Variants in DNAH11 observed in about 807,000 individuals in gnomAD.
DNAH11 encodes dynein axonemal heavy chain 11.
In DNAH11, 442 loss-of-function variants were observed where a neutral mutation model predicts 526.0. The ratio of observed to expected loss-of-function variants is 0.84; its 90% CI spans 0.78 to 0.91. The LOEUF (loss-of-function observed/expected upper bound fraction) is 0.91. Ranked by LOEUF, DNAH11 falls within the 40% of genes least tolerant of loss-of-function variation. The pLI is 0.00. For missense variants in DNAH11, 6,989 were observed against 5,448.7 expected (o/e 1.28, Z -8.90); for synonymous variants, 2,461 against 1,935.9 (o/e 1.27, Z -7.12).
At chr7:21,850,608 CTTTTT>C (rs3062635) in intron 66 of DNAH11, among the ~76,000 whole-genome samples, 5 of 62,658 alleles carry the variant, frequency 8.0e-5, no homozygotes, top group East Asian at 5.2e-4. Context: ...CTGTCTTCTT[CTTTTT>C]TTTTTTTTTT....
chr7:21,663,791 T>C (rs1408737550), intron 30 of DNAH11, among the ~76,000 whole-genome samples: 1 of 151,410 alleles, frequency 6.6e-6, no homozygotes, highest in Non-Finnish European at 1.5e-5. Flanking sequence ...TAGTATTTCA[T>C]TGTGTATATT....
chr7:21,838,293 T>G (rs1176491773), intron 65 of DNAH11, among the ~76,000 whole-genome samples: 1 of 152,238 alleles, frequency 6.6e-6, no homozygotes, highest in Non-Finnish European at 1.5e-5. Flanking sequence ...GAAACTGTAT[T>G]AGCATGGTAA....
chr7:21,801,350 A>T, intron 62 of DNAH11, 75 bp downstream of exon 62: 1 of 1,562,312 alleles, frequency 6.4e-7, no homozygotes, highest in Non-Finnish European at 8.7e-7. Context: ...TTTGCCATCA[A>T]TAATAACTAA....
intron 31 of DNAH11, 174 bp downstream of exon 31, chr7:21,681,851 T>C (rs1783154084): frequency 1.2e-6 from 1 of 824,830 alleles, no homozygotes; most frequent in South Asian, 1.4e-5. Flanking sequence ...AATATATTAT[T>C]CTGATGAGAC....
At chr7:21,898,778 C>T (rs1784625902) in intron 79 of DNAH11, among the ~76,000 whole-genome samples, 1 of 152,200 alleles carries the variant, frequency 6.6e-6, no homozygotes, top group African/African-American at 2.4e-5. Context: ...ACCGGCGTGC[C>T]ATTCCTGGCT....
At chr7:21,731,566 TGG>T (rs1785386303) in intron 45 of DNAH11, among the ~76,000 whole-genome samples, 2 of 152,234 alleles carry the variant, frequency 1.3e-5, no homozygotes, top group South Asian at 4.1e-4. Flanking sequence ...TTTCTGAAAC[TGG>T]TTGCATAAAT....
chr7:21,645,758 CAGATATCTAAAAATT>C (rs1787328538), intron 28 of DNAH11, among the ~76,000 whole-genome samples: 2 of 150,212 alleles, frequency 1.3e-5, no homozygotes, highest in East Asian at 3.9e-4. Context: ...ATATCTAAAT[CAGATATCTAAAAATT>C]AGATATCTAC....
chr7:21,784,409 CTTT>C lies in DNAH11; in HGVS notation c.9484-16_9484-14del. ...ATAATAATTTATACGGGTTTGTGTG[CTTT>C]TCCTCTTTAATTAGGTGACAGCCAT... is the stretch of plus-strand genomic sequence containing the variant. On this transcript the variant is annotated splice_polypyrimidine_tract_variant and intron_variant, in intron 57 of 81. Transcript: ENST00000409508. 6.3e-7 allele frequency: 1 copy of C among 1,586,958 alleles called. No individual in the cohort carries two copies. The highest frequency in any genetic ancestry group is 8.6e-7 in the Non-Finnish European group (1 of 1,157,610).
In DNAH11 at chr7:21,848,451, G is replaced by A. The variant is rs541252517; in HGVS notation, c.10897-4016G>A. Among the ~76,000 whole-genome samples, 4 of 151,162 alleles carry A rather than the reference G, an allele frequency of 2.6e-5. No individual in the cohort carries two copies. In the South Asian group the frequency reaches 6.3e-4, roughly 24 times the overall value. ...ATAATTCACATTTAAAGAGATTGTT[G>A]CTATAATTAGATCAATATCTACCGT... is the stretch of plus-strand genomic sequence containing the variant. On this transcript the variant is annotated intron_variant, in intron 66 of 81. Transcript: ENST00000409508.
chr7:21,646,462 A>T (rs970300011), intron 28 of DNAH11, among the ~76,000 whole-genome samples: 1 of 152,206 alleles, frequency 6.6e-6, no homozygotes, highest in Non-Finnish European at 1.5e-5. Context: ...AGGCCATAGC[A>T]CATGAAGGGA....
intron 42 of DNAH11, among the ~76,000 whole-genome samples, chr7:21,714,243 G>A (rs1249443011): frequency 6.6e-6 from 1 of 152,230 alleles, no homozygotes; most frequent in Admixed American, 6.5e-5. Context: ...AAACAACTCT[G>A]TCTTCACCAT....
chr7:21,602,434 T>G (rs564298912), intron 18 of DNAH11, among the ~76,000 whole-genome samples: 17 of 152,324 alleles, frequency 1.1e-4, no homozygotes, highest in African/African-American at 4.1e-4. Flanking sequence ...TCCACCTGTT[T>G]CCATGCTGTG....
intron 30 of DNAH11, among the ~76,000 whole-genome samples, chr7:21,674,047 TG>T (rs1378753515): frequency 6.6e-6 from 1 of 151,598 alleles, no homozygotes; most frequent in Non-Finnish European, 1.5e-5. Flanking sequence ...TGTGTGTGTG[TG>T]TGTGTGTGTG....
chr7:21,850,678 A>C (rs1170844906), intron 66 of DNAH11, among the ~76,000 whole-genome samples: 1 of 144,082 alleles, frequency 6.9e-6, no homozygotes, highest in Non-Finnish European at 1.5e-5. Context: ...CTTGAAAACC[A>C]GACATGATGT....
intron 10 of DNAH11, 120 bp from the exon 11 acceptor site, chr7:21,588,391 AT>A: frequency 7.3e-7 from 1 of 1,374,032 alleles, no homozygotes; most frequent in Non-Finnish European, 1.0e-6. Context: ...TAATCAAGTG[AT>A]TAAACACATA....
intron 56 of DNAH11, among the ~76,000 whole-genome samples, chr7:21,776,402 T>C (rs796207933): frequency 4.6e-5 from 7 of 152,330 alleles, no homozygotes; most frequent in African/African-American, 1.4e-4. Flanking sequence ...ATGTGGAGAA[T>C]TGGAGAACCA....
Position 21,832,889 on chromosome 7 carries a change from C to T in DNAH11, c.10692-9655C>T, listed in dbSNP as rs568827710. 9.9e-5 allele frequency among the ~76,000 whole-genome samples: 15 copies of T among 152,232 alleles called. No homozygotes were observed. The South Asian group carries it at 3.1e-3, about 32-fold the overall frequency. ...CCTTTTACAGGAAAATTTGTCAACC[C>T]CTGCTCTAGAAGGATTTCTTATTGA... On this transcript the variant is annotated intron_variant, in intron 65 of 81. Coordinates refer to ENST00000409508, the MANE Select transcript of DNAH11 (RefSeq NM_001277115.2).
At chr7:21,889,090 G>A (rs1412642658) in intron 76 of DNAH11, among the ~76,000 whole-genome samples, 1 of 151,558 alleles carries the variant, frequency 6.6e-6, no homozygotes, top group East Asian at 1.9e-4. Flanking sequence ...CCAGCCCATG[G>A]CAGCTACTAA....
At position 21,750,164 on chromosome 7, in the gene DNAH11, A is replaced by T. The variant is rs536883155; in HGVS notation, c.8798-58A>T. ...AAAACATTTCAAACGTTTAAAAGTT[A>T]TATGTAAAATTTAAATTGCAATGAT... On this transcript the variant is annotated intron_variant, in intron 53 of 81. Coordinates refer to ENST00000409508, the MANE Select transcript of DNAH11 (RefSeq NM_001277115.2). The T allele has an allele frequency of 3.9e-5, 58 of 1,500,968 alleles. No homozygotes were observed. In the African/African-American group the frequency reaches 7.1e-4, roughly 18 times the overall value. The allele number at this position is 1,500,968 out of a possible 1,614,324, so 93.0% of individuals were successfully genotyped here.
Sources: gnomAD v4.1 joint callset for allele counts (sites outside exome capture counted in the v4.1 genomes callset) on GRCh38, gnomAD v4.1.1 for gene constraint, MANE v1.5 for transcripts, NCBI Gene and HGNC (gene_info 2026-07-23, HGNC 2026-07-21) for gene names.